Variants in WDFY2 observed in about 807,000 individuals in gnomAD.
WDFY2 encodes the protein WD repeat and FYVE domain containing 2, also known as WD repeat and FYVE domain-containing protein 2.
WDFY2 carries 36 observed loss-of-function variants against 56.4 expected under a neutral mutation model. The ratio of observed to expected loss-of-function variants is 0.64; its 90% confidence interval spans 0.49 to 0.84. The LOEUF (loss-of-function observed/expected upper bound fraction) is 0.84, where lower values mean the gene tolerates loss of function less well. Ranked by LOEUF, WDFY2 falls within the 40% of genes least tolerant of loss-of-function variation. The probability of loss-of-function intolerance (pLI) is 0.00; values close to 1 mark genes in which losing one functional copy is unlikely to be tolerated. For missense variants in WDFY2, 444 were observed against 512.2 expected, an observed-to-expected ratio of 0.87 and a Z score of 1.29; for synonymous variants, 176 against 183.7, an observed-to-expected ratio of 0.96 and a Z score of 0.34.
intron 1 of WDFY2, among the ~76,000 whole-genome samples, chr13:51,608,370 G>A (rs1176852872): frequency 6.6e-6 from 1 of 152,154 alleles, no homozygotes; most frequent in Non-Finnish European, 1.5e-5. Flanking sequence ...ATTTTCATAT[G>A]CATTCATTTC....
At chr13:51,649,903 T>C (rs1335815837) in intron 1 of WDFY2, among the ~76,000 whole-genome samples, 8 of 152,192 alleles carry the variant, frequency 5.3e-5, no homozygotes, top group African/African-American at 1.4e-4. Flanking sequence ...CAATGCGGGC[T>C]CTTTTTTGGT....
chr13:51,622,836 G>T (rs1954760799), intron 1 of WDFY2, among the ~76,000 whole-genome samples: 1 of 149,968 alleles, frequency 6.7e-6, no homozygotes, highest in South Asian at 2.1e-4. Flanking sequence ...AAAAGTGAAG[G>T]TATGCTTAAC....
chr13:51,624,488 C>G (rs1260767755), intron 1 of WDFY2, among the ~76,000 whole-genome samples: 1 of 152,168 alleles, frequency 6.6e-6, no homozygotes, highest in Non-Finnish European at 1.5e-5. Context: ...TAGTTGAGCC[C>G]CTGACTCTGC....
rs1427743787 is a variant in WDFY2 at position 51,760,245 on chromosome 13, G to C, written c.*476G>C. 1 of 152,954 alleles carries C rather than the reference G, an allele frequency of 6.5e-6. No individual in the cohort carries two copies. The highest frequency in any genetic ancestry group is 1.9e-4 in the East Asian group (1 of 5,204). The allele number at this position is 152,954 out of a possible 1,614,324, so 9.5% of individuals were successfully genotyped here. A position where few individuals can be genotyped will look rare whatever the true frequency, so the allele number is the denominator to read the frequency against. ...ACCTGCACCTTCTCTGCCTTTCCTG[G>C]AGGGGATGTATTTATGTTATTTATT... On this transcript the variant is annotated 3_prime_UTR_variant, in exon 12 of 12. Transcript: ENST00000298125.
intron 4 of WDFY2, among the ~76,000 whole-genome samples, chr13:51,705,414 CT>C (rs1351214951): frequency 6.6e-6 from 1 of 152,172 alleles, no homozygotes; most frequent in Non-Finnish European, 1.5e-5. Context: ...CAATAGGTAA[CT>C]AATACATCCA....
intron 1 of WDFY2, among the ~76,000 whole-genome samples, chr13:51,623,804 C>A (rs1954788089): frequency 6.7e-6 from 1 of 149,826 alleles, no homozygotes; most frequent in Admixed American, 6.6e-5. Context: ...ATTTTGTGGT[C>A]ATTTCTTTTC....
At chr13:51,719,858 C>T (rs1276249162) in intron 5 of WDFY2, among the ~76,000 whole-genome samples, 1 of 152,078 alleles carries the variant, frequency 6.6e-6, no homozygotes, top group Non-Finnish European at 1.5e-5. Context: ...ATGTTAAAAG[C>T]TTTGTTCCAG....
At chr13:51,586,204 G>A (rs904169396) in intron 1 of WDFY2, 8 of 396,112 alleles carry the variant, frequency 2.0e-5, no homozygotes, top group Middle Eastern at 1.3e-3. Flanking sequence ...ACTGCTTCTG[G>A]ACCTAGAAAT....
chr13:51,678,165 C>T (rs1029968093), intron 3 of WDFY2, among the ~76,000 whole-genome samples: 2 of 152,160 alleles, frequency 1.3e-5, no homozygotes, highest in Non-Finnish European at 2.9e-5. Context: ...AAATTAGTCA[C>T]ACACGGTACT....
At chr13:51,681,102 A>T (rs533155592) in intron 3 of WDFY2, among the ~76,000 whole-genome samples, 1 of 152,308 alleles carries the variant, frequency 6.6e-6, no homozygotes, top group African/African-American at 2.4e-5. Context: ...TGGTAAGGTC[A>T]TGTTCTACGG....
chr13:51,717,488 A>T (rs532598122), intron 4 of WDFY2, among the ~76,000 whole-genome samples: 5 of 151,980 alleles, frequency 3.3e-5, no homozygotes, highest in Admixed American at 3.3e-4. Flanking sequence ...AAAGCCCCTT[A>T]TCATCTAGGG....
chr13:51,618,813 T>C (rs1954671730), intron 1 of WDFY2, among the ~76,000 whole-genome samples: 1 of 152,192 alleles, frequency 6.6e-6, no homozygotes, highest in Admixed American at 6.5e-5. Context: ...GGTCTGCCAA[T>C]GCAAAACAAT....
intron 1 of WDFY2, among the ~76,000 whole-genome samples, chr13:51,630,321 G>T (rs1954928074): frequency 6.6e-6 from 1 of 152,092 alleles, no homozygotes; most frequent in African/African-American, 2.4e-5. Flanking sequence ...TCTGTAAGTG[G>T]AATTTCTGAG....
rs1952421207 is a variant in WDFY2, at chr13:51,718,713, A to G, written c.335-485A>G. Among the ~76,000 whole-genome samples, 4 of 152,268 alleles carry G rather than the reference A, an allele frequency of 2.6e-5. No homozygotes were observed. The South Asian group carries it at 8.3e-4, about 32-fold the overall frequency. On this transcript the variant is annotated intron_variant, in intron 4 of 11. Coordinates refer to ENST00000298125, the MANE Select transcript of WDFY2 (RefSeq NM_052950.4). Reference sequence around the variant, plus strand: ...GAAAGTGTTCATCTAGAACTTTTGTATGGCTTTATAAGACAGACTTCATTA... The same window carrying G: ...GAAAGTGTTCATCTAGAACTTTTGTGTGGCTTTATAAGACAGACTTCATTA...
chr13:51,687,629 G>A (rs1956082861), intron 3 of WDFY2, among the ~76,000 whole-genome samples: 1 of 151,718 alleles, frequency 6.6e-6, no homozygotes, highest in Admixed American at 6.6e-5. Context: ...AAAAAAAAAG[G>A]AGTATTATTT....
At chr13:51,619,815 G>C (rs541535983) in intron 1 of WDFY2, among the ~76,000 whole-genome samples, 2 of 152,306 alleles carry the variant, frequency 1.3e-5, no homozygotes, top group Non-Finnish European at 2.9e-5. Flanking sequence ...CAGAAGTGAG[G>C]TACAGAAACA....
chr13:51,654,843 A>T (rs1172661724), intron 1 of WDFY2, among the ~76,000 whole-genome samples: 1 of 152,136 alleles, frequency 6.6e-6, no homozygotes, highest in African/African-American at 2.4e-5. Context: ...ATATTTTTAT[A>T]TACTGTACTT....
intron 7 of WDFY2, among the ~76,000 whole-genome samples, chr13:51,744,568 A>G (rs1414497635): frequency 6.6e-6 from 1 of 152,174 alleles, no homozygotes; most frequent in African/African-American, 2.4e-5. Context: ...TAGTCCCTCC[A>G]ATTATATGTT....
chr13:51,587,950 C>T (rs1250759865), intron 1 of WDFY2: 1 of 152,154 alleles, frequency 6.6e-6, no homozygotes, highest in Non-Finnish European at 1.5e-5. Context: ...AGAGTTCAAA[C>T]AGCCTTGAAC....
Sources: allele counts gnomAD v4.1 joint callset (sites outside exome capture counted in the v4.1 genomes callset), GRCh38; gene constraint gnomAD v4.1.1; transcripts MANE v1.5; gene names NCBI Gene and HGNC (gene_info 2026-07-23, HGNC 2026-07-21).